The following STAMBPL1 variants were observed in gnomAD, a reference collection of about 807,000 sequenced individuals.
The protein encoded by STAMBPL1 is STAM binding protein like 1.
In STAMBPL1, 44 loss-of-function variants were observed where a neutral mutation model predicts 52.9. That is an observed-to-expected ratio of 0.83 (90% CI 0.65 to 1.07). The LOEUF (loss-of-function observed/expected upper bound fraction) is 1.07, where lower values mean the gene tolerates loss of function less well. STAMBPL1 is among the 50% of genes least tolerant of loss of function. The pLI, the probability that STAMBPL1 is intolerant of heterozygous loss-of-function variation, is 0.00. For missense variants in STAMBPL1, 511 were observed against 520.8 expected (o/e 0.98, Z 0.18); for synonymous variants, 164 against 177.3 (o/e 0.92, Z 0.60).
rs1230113474 is a variant in STAMBPL1 at position 88,883,838 on chromosome 10, A to G, written c.-54+3200A>G. Among the ~76,000 whole-genome samples, 4 of 152,178 alleles carry G rather than the reference A, an allele frequency of 2.6e-5. No homozygotes were observed. The South Asian group carries it at 8.3e-4, about 32-fold the overall frequency. On this transcript the variant is annotated intron_variant, in intron 1 of 10. Coordinates refer to ENST00000371926, the MANE Select transcript of STAMBPL1 (RefSeq NM_020799.4). Reference sequence around the variant, plus strand: ...CTTGATTTGCTGTAGTTAACCTTTCAAGGTACTCTTTTGGAAATGGGTGCA... The same window carrying G: ...CTTGATTTGCTGTAGTTAACCTTTCGAGGTACTCTTTTGGAAATGGGTGCA...
At chr10:88,921,189 A>G in intron 8 of STAMBPL1, 94 bp from the exon 9 acceptor site, 1 of 975,692 alleles carries the variant, frequency 1.0e-6, no homozygotes, top group Non-Finnish European at 1.5e-6. Flanking sequence ...AATGATGGTA[A>G]AAACTAAAAA....
In STAMBPL1 at chr10:88,901,639, T is replaced by G. The variant is rs974324825; in HGVS notation, c.-53-17T>G. 9 of 1,538,574 alleles carry G rather than the reference T, an allele frequency of 5.8e-6. No individual in the cohort carries two copies. In the African/African-American group the frequency reaches 1.1e-4, roughly 19 times the overall value. ...CTCAAAAAATAACTTTAGTTCTGCT[T>G]CTTGTTTTTGAAACAGATGAAGTGA... is the stretch of plus-strand genomic sequence containing the variant. On this transcript the variant is annotated splice_polypyrimidine_tract_variant and intron_variant, in intron 1 of 10. Transcript: ENST00000371926.
At chr10:88,912,759 A>C in intron 5 of STAMBPL1, 1 of 200,164 alleles carries the variant, frequency 5.0e-6, no homozygotes, top group Non-Finnish European at 1.0e-5. Flanking sequence ...GAAGTGCAGT[A>C]GGGGTGAGAT....
intron 1 of STAMBPL1, among the ~76,000 whole-genome samples, chr10:88,884,396 T>C (rs1340292057): frequency 3.3e-5 from 5 of 152,158 alleles, no homozygotes; most frequent in Non-Finnish European, 5.9e-5. Flanking sequence ...TAGCCAATTG[T>C]AGGTTCCTTG....
intron 1 of STAMBPL1, among the ~76,000 whole-genome samples, chr10:88,897,553 G>T (rs1414843314): frequency 2.0e-5 from 3 of 152,298 alleles, no homozygotes. Flanking sequence ...ATGTTATCAA[G>T]CCACAAGAAT....
rs140827533 is a variant in STAMBPL1, at chr10:88,890,955, T to G, written c.-54+10317T>G. Among the ~76,000 whole-genome samples the G allele has an allele frequency of 3.5e-3, 526 of 152,356 alleles. 2 individuals carry two copies. The highest frequency in any genetic ancestry group is 4.8e-3 in the Non-Finnish European group (325 of 68,034). On this transcript the variant is annotated intron_variant, in intron 1 of 10. Coordinates refer to ENST00000371926, the MANE Select transcript of STAMBPL1 (RefSeq NM_020799.4). Reference sequence around the variant, plus strand: ...CCATCGCTTCCAGAGTATGTGTGTTTAATAAATATGTACTAAGTGCCTCGT... The same window carrying G: ...CCATCGCTTCCAGAGTATGTGTGTTGAATAAATATGTACTAAGTGCCTCGT...
chr10:88,890,910 T>C (rs921788446), intron 1 of STAMBPL1, among the ~76,000 whole-genome samples: 3 of 152,240 alleles, frequency 2.0e-5, no homozygotes, highest in Non-Finnish European at 4.4e-5. Flanking sequence ...TACCAATTCC[T>C]CTATTCTCTG....
intron 7 of STAMBPL1, among the ~76,000 whole-genome samples, chr10:88,916,231 C>A (rs1156790592): frequency 6.6e-6 from 1 of 151,942 alleles, no homozygotes; most frequent in Non-Finnish European, 1.5e-5. Context: ...ACAAAACCAT[C>A]AACCTTCACA....
intron 10 of STAMBPL1, 43 bp downstream of exon 10, chr10:88,922,479 C>T (rs1396435035): frequency 6.4e-7 from 1 of 1,555,416 alleles, no homozygotes; most frequent in South Asian, 1.1e-5. Flanking sequence ...ATTTCTTGTT[C>T]ACTGCCCCCC....
intron 1 of STAMBPL1, among the ~76,000 whole-genome samples, chr10:88,887,378 C>A (rs976608751): frequency 6.6e-6 from 1 of 151,866 alleles, no homozygotes; most frequent in Non-Finnish European, 1.5e-5. Flanking sequence ...TTATGGCACA[C>A]GTAGTTATTT....
chr10:88,910,194 G>A (rs529150043), intron 4 of STAMBPL1, among the ~76,000 whole-genome samples: 1 of 152,324 alleles, frequency 6.6e-6, no homozygotes, highest in South Asian at 2.1e-4. Context: ...GAAATTTGGT[G>A]AAAGAGCTAG....
rs1480258607 is a variant in STAMBPL1, at chr10:88,923,407, AG to A, written c.*184del. 1.5e-6 allele frequency: 2 copies of A among 1,352,848 alleles called. No homozygotes were observed. The highest frequency in any genetic ancestry group is 3.0e-5 in the African/African-American group (2 of 66,246). 83.8% of individuals were successfully genotyped at this position (1,352,848 alleles called of 1,614,324 possible). A position where few individuals can be genotyped will look rare whatever the true frequency, so the allele number is the denominator to read the frequency against. On this transcript the variant is annotated 3_prime_UTR_variant, in exon 11 of 11. Transcript: ENST00000371926. ...TTTCTTTTTGGGTTGCTCTGTGTCA[AG>A]AGAGGTTACATGGTGTTAAATCGGT...
At chr10:88,907,604 T>C (rs1845107492) in intron 3 of STAMBPL1, among the ~76,000 whole-genome samples, 1 of 152,258 alleles carries the variant, frequency 6.6e-6, no homozygotes, top group African/African-American at 2.4e-5. Context: ...AATTCTCTTG[T>C]ATTATTAGTT....
At chr10:88,911,707 A>G (rs577490127) in intron 5 of STAMBPL1, among the ~76,000 whole-genome samples, 3 of 152,288 alleles carry the variant, frequency 2.0e-5, no homozygotes, top group East Asian at 3.9e-4. Context: ...GTTCAATCTC[A>G]TCATCTCTGA....
intron 2 of STAMBPL1, 83 bp downstream of exon 2, chr10:88,901,821 C>T: frequency 7.2e-7 from 1 of 1,379,648 alleles, no homozygotes; most frequent in Non-Finnish European, 1.0e-6. Context: ...AAATGAGTCA[C>T]AATTACTTTA....
chr10:88,908,741 G>C lies in STAMBPL1; in HGVS notation c.288G>C (p.Gln96His), dbSNP rs769882182. The C allele has an allele frequency of 1.2e-6, 2 of 1,609,154 alleles. No individual in the cohort carries two copies. Among genetic ancestry groups the C allele is most frequent in the African/African-American group, 2.7e-5 (2 of 74,496 alleles). The change falls in exon 4 of 11, where the codon CAG (glutamine) becomes CAC (histidine). Residue 96 changes from glutamine to histidine, a missense_variant. Physicochemically the swap from Gln to His is conservative, Grantham distance 24. Around this residue, in one of 3 missense-constraint regions of STAMBPL1, gnomAD observed 358 missense variants for 343.5 expected, o/e 1.04. Transcript: ENST00000371926. Reference protein sequence around the residue: ...VEKLPNHRDYQQCAVPEKQDI... With the variant: ...VEKLPNHRDYHQCAVPEKQDI... ...AGCTTCCTAACCATCGAGATTACCA[G>C]CAATGTGCAGTACCTGAAAAGCAGG...
chr10:88,908,412 T>C (rs1845130956), intron 3 of STAMBPL1, among the ~76,000 whole-genome samples: 1 of 152,204 alleles, frequency 6.6e-6, no homozygotes, highest in Non-Finnish European at 1.5e-5. Context: ...TGGTGCTCTT[T>C]TGGGGCTAAG....
At chr10:88,905,293 CT>C (rs1845044110) in intron 2 of STAMBPL1, 149 bp from the exon 3 acceptor site, 1 of 647,468 alleles carries the variant, frequency 1.5e-6, no homozygotes, top group Non-Finnish European at 2.6e-6. Flanking sequence ...AGCAAAAATG[CT>C]TTACTTTGAT....
At chr10:88,895,923 A>C (rs1844799997) in intron 1 of STAMBPL1, among the ~76,000 whole-genome samples, 1 of 152,306 alleles carries the variant, frequency 6.6e-6, no homozygotes, top group East Asian at 1.9e-4. Flanking sequence ...AATTTAACAC[A>C]TGCATCAGGA....
Sources: allele counts gnomAD v4.1 joint callset (sites outside exome capture counted in the v4.1 genomes callset), GRCh38; gene constraint gnomAD v4.1.1; regional missense constraint gnomAD v4.1.1; transcripts MANE v1.5; gene names NCBI Gene and HGNC (gene_info 2026-07-23, HGNC 2026-07-21).